Variants in CSTF3 observed in about 807,000 individuals in gnomAD.
The protein encoded by CSTF3 is CF-1 77 kDa subunit.
In CSTF3, 29 loss-of-function variants were observed where a neutral mutation model predicts 105.8. The observed-to-expected ratio is 0.27, with a 90% confidence interval of 0.20 to 0.37. The LOEUF (loss-of-function observed/expected upper bound fraction) is 0.37. Ranked by LOEUF, CSTF3 falls within the 10% of genes least tolerant of loss-of-function variation. CSTF3 has a pLI of 1.00. For missense variants in CSTF3, 357 were observed against 879.3 expected (o/e 0.41, Z 7.51); for synonymous variants, 252 against 281.9 (o/e 0.89, Z 1.06).
At chr11:33,086,078 C>T in intron 18 of CSTF3, 89 bp from the exon 19 acceptor site, 1 of 822,050 alleles carries the variant, frequency 1.2e-6, no homozygotes, top group Non-Finnish European at 1.8e-6. Context: ...AAAGATCTTC[C>T]ATGTCTGCTG....
rs570534478 is a variant in CSTF3, at chr11:33,155,542, T to A, written c.27+5757A>T. On this transcript the variant is annotated intron_variant, in intron 1 of 20. Coordinates refer to ENST00000323959, the MANE Select transcript of CSTF3 (RefSeq NM_001326.3). The stretch of plus-strand genomic sequence containing the variant: ...CGTTTGGAACTTAAAAGATGAGACT[T>A]CTTTCAAATATGAATAATCCAGATT... Among the ~76,000 whole-genome samples the A allele has an allele frequency of 8.9e-3, 1,356 of 152,304 alleles. 4 individuals are homozygous for A. Among genetic ancestry groups the A allele is most frequent in the Non-Finnish European group, 0.013 (881 of 68,028 alleles).
intron 3 of CSTF3, among the ~76,000 whole-genome samples, chr11:33,137,690 A>C (rs1389359620): frequency 6.6e-6 from 1 of 151,838 alleles, no homozygotes; most frequent in East Asian, 1.9e-4. Context: ...TTAAAGTAAA[A>C]ATCTGAATAA....
chr11:33,142,099 A>G (rs1855718629), intron 1 of CSTF3, 113 bp from the exon 2 acceptor site: 1 of 1,502,242 alleles, frequency 6.7e-7, no homozygotes, highest in African/African-American at 1.4e-5. Flanking sequence ...AAAGCATAAA[A>G]ATATCCTCTT....
At chr11:33,135,127 T>A (rs1350877589) in intron 3 of CSTF3, among the ~76,000 whole-genome samples, 2 of 152,132 alleles carry the variant, frequency 1.3e-5, no homozygotes, top group South Asian at 2.1e-4. Context: ...CTGTCTTTTT[T>A]AAAAAAGTTT....
intron 15 of CSTF3, among the ~76,000 whole-genome samples, chr11:33,093,830 C>A (rs941561050): frequency 5.3e-5 from 8 of 152,118 alleles, no homozygotes; most frequent in African/African-American, 1.9e-4. Flanking sequence ...GCCTCAGCCT[C>A]CTGAGTAGCT....
intron 1 of CSTF3, among the ~76,000 whole-genome samples, chr11:33,159,162 A>C (rs1161007975): frequency 6.6e-6 from 1 of 152,158 alleles, no homozygotes; most frequent in Non-Finnish European, 1.5e-5. Flanking sequence ...CTTTCAAATA[A>C]ACATGCGTGG....
intron 3 of CSTF3, among the ~76,000 whole-genome samples, chr11:33,110,447 CT>C (rs1855368756): frequency 6.6e-6 from 1 of 152,192 alleles, no homozygotes; most frequent in Admixed American, 6.5e-5. Flanking sequence ...TGGGCCTCTT[CT>C]TTGAGATTCC....
intron 3 of CSTF3, among the ~76,000 whole-genome samples, chr11:33,122,332 C>A (rs1349485786): frequency 2.6e-5 from 4 of 151,956 alleles, no homozygotes; most frequent in African/African-American, 9.7e-5. Flanking sequence ...ATATACATGA[C>A]CTTATTATTC....
At chr11:33,098,244 TA>T (rs1484028408) in intron 13 of CSTF3, among the ~76,000 whole-genome samples, 1 of 152,166 alleles carries the variant, frequency 6.6e-6, no homozygotes. Flanking sequence ...GGATTTAGCA[TA>T]AAGTGAGTTT....
intron 3 of CSTF3, among the ~76,000 whole-genome samples, chr11:33,140,341 A>G (rs1450541865): frequency 6.6e-6 from 1 of 152,022 alleles, no homozygotes; most frequent in African/African-American, 2.4e-5. Flanking sequence ...ATGAAACTTT[A>G]AGGTATGGTC....
At chr11:33,152,731 T>C (rs10836029) in intron 1 of CSTF3, among the ~76,000 whole-genome samples, 84,571 of 152,012 alleles carry the variant, frequency 0.56, 26,113 homozygotes, top group Non-Finnish European at 0.69. Flanking sequence ...GAGGCCGAGG[T>C]GGGCGGATCA....
chr11:33,086,088 G>T, intron 18 of CSTF3, 99 bp from the exon 19 acceptor site: 2 of 769,534 alleles, frequency 2.6e-6, no homozygotes, highest in Non-Finnish European at 3.9e-6. Context: ...CATGTCTGCT[G>T]CTTTGTTCTG....
chr11:33,156,801 T>C (rs1849872091), intron 1 of CSTF3: 1 of 419,836 alleles, frequency 2.4e-6, no homozygotes, highest in East Asian at 7.4e-5. Flanking sequence ...ACCTCGTCTC[T>C]ACCTAAATAG....
chr11:33,130,270 C>T (rs1400355204), intron 3 of CSTF3, among the ~76,000 whole-genome samples: 2 of 152,038 alleles, frequency 1.3e-5, no homozygotes, highest in African/African-American at 4.8e-5. Context: ...GTCAGGAGTT[C>T]GAGACCAGCC....
At chr11:33,111,666 G>A (rs1168085613) in intron 3 of CSTF3, among the ~76,000 whole-genome samples, 2 of 152,148 alleles carry the variant, frequency 1.3e-5, no homozygotes, top group Non-Finnish European at 2.9e-5. Flanking sequence ...GTATATCTAC[G>A]AAATAACCAA....
chr11:33,134,200 A>G (rs1435519286), intron 3 of CSTF3, among the ~76,000 whole-genome samples: 2 of 152,238 alleles, frequency 1.3e-5, no homozygotes, highest in Non-Finnish European at 2.9e-5. Context: ...ATTTCAAAAT[A>G]AAGTTACAAA....
At chr11:33,148,941 C>A (rs1855821744) in intron 1 of CSTF3, among the ~76,000 whole-genome samples, 1 of 148,968 alleles carries the variant, frequency 6.7e-6, no homozygotes, top group Non-Finnish European at 1.5e-5. Context: ...ATCCTCCTGT[C>A]TCAGCCTCCC....
At chr11:33,129,627 T>G (rs1043667702) in intron 3 of CSTF3, among the ~76,000 whole-genome samples, 6 of 152,224 alleles carry the variant, frequency 3.9e-5, no homozygotes, top group Admixed American at 2.6e-4. Flanking sequence ...CCACAATTTT[T>G]GGGAACTTTT....
intron 3 of CSTF3, among the ~76,000 whole-genome samples, chr11:33,115,526 G>A (rs1252463034): frequency 6.6e-6 from 1 of 152,160 alleles, no homozygotes; most frequent in Admixed American, 6.5e-5. Context: ...AAGAAATCAG[G>A]AAAGTAGTGT....
Sources: gnomAD v4.1 joint callset for allele counts (sites outside exome capture counted in the v4.1 genomes callset) on GRCh38, gnomAD v4.1.1 for gene constraint, MANE v1.5 for transcripts, NCBI Gene and HGNC (gene_info 2026-07-23, HGNC 2026-07-21) for gene names.